USP6: variants seen among roughly 807,000 people sequenced by gnomAD.
USP6 encodes ubiquitin carboxyl-terminal hydrolase 6.
A neutral mutation model predicts 175.7 loss-of-function variants in USP6; 128 were observed. The observed-to-expected ratio is 0.73, with a 90% CI of 0.63 to 0.84. The LOEUF is 0.84. USP6 is among the 40% of genes least tolerant of loss of function. USP6 has a pLI of 0.00. For synonymous variants in USP6, 562 were observed against 630.6 expected (o/e 0.89, Z 1.63); for missense variants, 1,498 against 1,760.3 (o/e 0.85, Z 2.67).
At chr17:5,141,981 G>T in intron 23 of USP6, 22 bp from the exon 24 acceptor site, 1 of 1,603,814 alleles carries the variant, frequency 6.2e-7, no homozygotes. Context: ...CTAAGCTTTG[G>T]TTCTCATATT....
Position 5,132,979 on chromosome 17 carries a change from C to G in USP6, c.265C>G (p.His89Asp). Reference sequence around the variant, plus strand: ...GCTGGGAGAATGGGAGACATATAAGCACAGTAGCAAAGTAATGTGTGGAGG... The same window carrying G: ...GCTGGGAGAATGGGAGACATATAAGGACAGTAGCAAAGTAATGTGTGGAGG... ...EMLGEWETYK[H>D]SSKLIDRVYK... The change falls in exon 13 of 38, where the codon CAC becomes GAC. Residue 89 changes from histidine (H) to aspartate (D), a missense_variant. Physicochemically the swap from His to Asp is moderately conservative, Grantham distance 81. This residue lies in a region of USP6 where 281 missense variants were observed against 259.6 expected (regional missense o/e 1.08). Coordinates refer to ENST00000574788, the MANE Select transcript of USP6 (RefSeq NM_001304284.2). This position sits in a 1 kb window ranked among gnomAD's most constrained non-coding sequence, Gnocchi z 4.7. 1 of 1,614,120 alleles carries G rather than the reference C, an allele frequency of 6.2e-7. No homozygotes were observed. The highest frequency in any genetic ancestry group is 1.6e-4 in the Middle Eastern group (1 of 6,062).
At chr17:5,148,012 C>A (rs2073659545) in intron 29 of USP6, among the ~76,000 whole-genome samples, 1 of 152,128 alleles carries the variant, frequency 6.6e-6, no homozygotes, top group Non-Finnish European at 1.5e-5. Context: ...TCCCAAGAAG[C>A]TGGGACTACA....
chr17:5,167,748 C>T (rs529478393), intron 33 of USP6, among the ~76,000 whole-genome samples, 184 bp from the exon 34 acceptor site: 1 of 152,300 alleles, frequency 6.6e-6, no homozygotes, highest in South Asian at 2.1e-4. Context: ...AGCGATTCCC[C>T]CCACCTCGGC....
chr17:5,143,617 C>T (rs1317261060), intron 25 of USP6, among the ~76,000 whole-genome samples: 5 of 151,946 alleles, frequency 3.3e-5, no homozygotes, highest in African/African-American at 1.2e-4. Flanking sequence ...ACAAACACTG[C>T]GGAGGGCCGC....
At position 5,116,261 on chromosome 17, in the gene USP6, C is replaced by T. The variant is rs2072534729; in HGVS notation, c.-2407C>T. On this transcript the variant is annotated 5_prime_UTR_variant, in exon 1 of 38. Coordinates refer to ENST00000574788, the MANE Select transcript of USP6 (RefSeq NM_001304284.2). The stretch of plus-strand genomic sequence containing the variant: ...CGCCTGCGGGCTCTCTGCTCGACGC[C>T]ACTCCCGGCCCCGCTCCGGGCGGCC... 6.6e-6 allele frequency among the ~76,000 whole-genome samples: 1 copy of T among 151,944 alleles called. No homozygotes were observed. The highest frequency in any genetic ancestry group is 6.5e-5 in the Admixed American group (1 of 15,270).
At position 5,168,060 on chromosome 17, in the gene USP6, C is replaced by G. The variant is rs781503934; in HGVS notation, c.3165C>G (p.Ser1055=). 1.9e-6 allele frequency: 3 copies of G among 1,611,960 alleles called. No homozygotes were observed. Among genetic ancestry groups the G allele is most frequent in the Non-Finnish European group, 2.5e-6 (3 of 1,179,826 alleles). The change falls in exon 34 of 38, where the codon TCC becomes TCG. Residue 1055 remains serine, a synonymous_variant. Coordinates refer to ENST00000574788, the MANE Select transcript of USP6 (RefSeq NM_001304284.2). ...ELGESEMYYC[S]KCKTHCLATK... Reference sequence around the variant, plus strand: ...GGGAAAGTGAGATGTACTACTGTTCCAAGTGTAAGACCCACTGCTTAGCAA... The same window carrying G: ...GGGAAAGTGAGATGTACTACTGTTCGAAGTGTAAGACCCACTGCTTAGCAA...
Position 5,170,550 on chromosome 17 carries a change from C to T in USP6, c.3589C>T (p.Pro1197Ser). The change falls in exon 36 of 38, where the codon CCA becomes TCA. Residue 1197 changes from proline (P) to serine (S), a missense_variant. Pro to Ser is a moderately conservative substitution (Grantham distance 74). Coordinates refer to ENST00000574788, the MANE Select transcript of USP6 (RefSeq NM_001304284.2). ...CAAAAACAGCAGCCCTAATAGCAGC[C>T]CACGGACTTTGGGGAGGAGCAAAGG... The part of the protein sequence containing the change: ...SSKNSSPNSS[P>S]RTLGRSKGRL... 1.9e-6 allele frequency: 3 copies of T among 1,611,948 alleles called. No homozygotes were observed. Among genetic ancestry groups the T allele is most frequent in the Non-Finnish European group, 2.5e-6 (3 of 1,179,810 alleles).
chr17:5,135,738 A>G, intron 16 of USP6, 70 bp from the exon 17 acceptor site: 2 of 1,596,890 alleles, frequency 1.3e-6, no homozygotes, highest in Non-Finnish European at 1.7e-6. Flanking sequence ...CTCTCCAATG[A>G]CATGAGTCCT....
At chr17:5,168,642 T>C in intron 34 of USP6, 125 bp from the exon 35 acceptor site, 1 of 1,362,140 alleles carries the variant, frequency 7.3e-7, no homozygotes. Flanking sequence ...CTTTAAAAAA[T>C]AATGAAGAGT....
At position 5,142,068 on chromosome 17, in the gene USP6, A is replaced by T. The variant is rs138857488; in HGVS notation, c.1639A>T (p.Ile547Phe). The change falls in exon 24 of 38, where the codon ATC becomes TTC. Residue 547 changes from isoleucine (I) to phenylalanine (F), a missense_variant. Physicochemically the swap from Ile to Phe is conservative, Grantham distance 21. Coordinates refer to ENST00000574788, the MANE Select transcript of USP6 (RefSeq NM_001304284.2). The part of the protein sequence containing the change: ...LGNTCFMNSS[I>F]QCVSNTQPLT... Reference sequence around the variant, plus strand: ...AAACACATGCTTCATGAACTCAAGCATCCAGTGCGTTAGTAACACACAGCC... The same window carrying T: ...AAACACATGCTTCATGAACTCAAGCTTCCAGTGCGTTAGTAACACACAGCC... The T allele has an allele frequency of 4.3e-6, 7 of 1,613,832 alleles. No homozygotes were observed. Among genetic ancestry groups the T allele is most frequent in the Non-Finnish European group, 5.9e-6 (7 of 1,179,866 alleles).
chr17:5,139,923 G>A (rs1044913666), intron 22 of USP6, among the ~76,000 whole-genome samples: 3 of 152,108 alleles, frequency 2.0e-5, no homozygotes, highest in African/African-American at 7.2e-5. Context: ...AATCCAAGCA[G>A]GCTTCGCATC....
At chr17:5,130,254 G>C in intron 9 of USP6, 113 bp from the exon 10 acceptor site, 1 of 993,806 alleles carries the variant, frequency 1.0e-6, no homozygotes, top group Non-Finnish European at 1.6e-6. Flanking sequence ...GGAGTGCAGT[G>C]GTGGAATGAA....
At chr17:5,153,802 C>T (rs1448867466) in intron 30 of USP6, among the ~76,000 whole-genome samples, 2 of 152,090 alleles carry the variant, frequency 1.3e-5, no homozygotes, top group Non-Finnish European at 2.9e-5. Context: ...ACTACAGGCG[C>T]GTGCCACCAT....
chr17:5,133,339 G>C (rs1374986963), intron 13 of USP6, 104 bp from the exon 14 acceptor site: 7 of 1,293,320 alleles, frequency 5.4e-6, no homozygotes, highest in Admixed American at 1.7e-5. Context: ...CGCCTCTACT[G>C]AGGAATCATG....
In USP6 at chr17:5,139,445, C is replaced by G. The variant is rs2073373700; in HGVS notation, c.1269C>G (p.Asp423Glu). ...TPCPGGAVRE[D>E]TYPVGTQGVP... is the part of the protein sequence containing the mutation. ...GTCCTGGTGGGGCTGTCCGGGAAGA[C>G]ACGTACCCTGTGGGCACTCAGGGTG... The change falls in exon 22 of 38, where the codon GAC becomes GAG. Residue 423 changes from aspartate (D) to glutamate (E), a missense_variant. Physicochemically the swap from Asp to Glu is conservative, Grantham distance 45. This residue lies in a region of USP6 where 1,217 missense variants were observed against 1,500.8 expected (regional missense o/e 0.81). Coordinates refer to ENST00000574788, the MANE Select transcript of USP6 (RefSeq NM_001304284.2). 6.2e-7 allele frequency: 1 copy of G among 1,613,006 alleles called. No individual in the cohort carries two copies. Among genetic ancestry groups the G allele is most frequent in the Non-Finnish European group, 8.5e-7 (1 of 1,180,032 alleles).
intron 7 of USP6, 114 bp downstream of exon 7, chr17:5,127,753 A>G (rs1188477876): frequency 1.3e-5 from 2 of 152,226 alleles, no homozygotes; most frequent in East Asian, 3.8e-4. Flanking sequence ...TAGTATTTAC[A>G]TATAAGCTAT....
intron 33 of USP6, among the ~76,000 whole-genome samples, chr17:5,166,166 G>T (rs1159777487): frequency 6.6e-6 from 1 of 151,992 alleles, no homozygotes; most frequent in Non-Finnish European, 1.5e-5. Context: ...TTCAAAAGAT[G>T]ATGACAGTTA....
At position 5,167,976 on chromosome 17, in the gene USP6, A is replaced by G. The variant is rs2074130305; in HGVS notation, c.3081A>G (p.Gln1027=). The change falls in exon 34 of 38, where the codon CAA becomes CAG. Residue 1027 remains glutamine, a synonymous_variant. Transcript: ENST00000574788. ...HESVEQSRRA[Q]AEPINLDSCL... ...GTGTGGAGCAGAGTCGGCGAGCGCA[A>G]GCCGAGCCCATCAACCTGGACAGCT... is the stretch of plus-strand genomic sequence containing the variant. The G allele has an allele frequency of 6.2e-7, 1 of 1,611,846 alleles. No individual in the cohort carries two copies. The highest frequency in any genetic ancestry group is 2.2e-5 in the East Asian group (1 of 44,892).
chr17:5,130,446 T>C lies in USP6; in HGVS notation c.72+7T>C, dbSNP rs1450981928. ...ACTTATGAAGTATGACAAGGTACAG[T>C]TCGGTCTGCTCCTTGGAGGGAGGCC... is the stretch of plus-strand genomic sequence containing the variant. On this transcript the variant is annotated splice_region_variant and intron_variant, in intron 10 of 37. Coordinates refer to ENST00000574788, the MANE Select transcript of USP6 (RefSeq NM_001304284.2). The C allele has an allele frequency of 6.2e-7, 1 of 1,614,048 alleles. No homozygotes were observed. The highest frequency in any genetic ancestry group is 2.2e-5 in the East Asian group (1 of 44,868).
Sources: gnomAD v4.1 joint callset for allele counts (sites outside exome capture counted in the v4.1 genomes callset) on GRCh38, gnomAD v4.1.1 for gene constraint, gnomAD v4.1.1 regional missense constraint, Gnocchi (gnomAD v3.1) non-coding constraint, MANE v1.5 for transcripts, NCBI Gene and HGNC (gene_info 2026-07-23, HGNC 2026-07-21) for gene names.